ATP8A2: variants seen among roughly 807,000 people sequenced by gnomAD.
The protein encoded by ATP8A2 is ATPase phospholipid transporting 8A2.
In ATP8A2, 100 loss-of-function variants were observed where a neutral mutation model predicts 165.6. That is an observed-to-expected ratio of 0.60 (90% CI 0.51 to 0.71). The LOEUF (loss-of-function observed/expected upper bound fraction) is 0.71, where lower values mean the gene tolerates loss of function less well. Ranked by LOEUF, ATP8A2 falls within the 30% of genes least tolerant of loss-of-function variation. The probability of loss-of-function intolerance (pLI) is 0.00; values close to 1 mark genes in which losing one functional copy is unlikely to be tolerated. For missense variants in ATP8A2, 1,227 were observed against 1,479.5 expected (o/e 0.83, Z 2.80); for synonymous variants, 543 against 548.8 (o/e 0.99, Z 0.15).
At chr13:25,393,768 C>T (rs187645391) in intron 1 of ATP8A2, among the ~76,000 whole-genome samples, 1 of 152,290 alleles carries the variant, frequency 6.6e-6, no homozygotes, top group East Asian at 1.9e-4. Flanking sequence ...TCTTAGGAAT[C>T]TGAGGTTCAT....
chr13:25,969,346 T>A (rs975926590), intron 35 of ATP8A2, among the ~76,000 whole-genome samples: 2 of 152,176 alleles, frequency 1.3e-5, no homozygotes, highest in African/African-American at 2.4e-5. Context: ...AAAATCTATG[T>A]ACCATCAAGG....
At chr13:25,545,919 G>A (rs2038635254) in intron 10 of ATP8A2, among the ~76,000 whole-genome samples, 1 of 152,226 alleles carries the variant, frequency 6.6e-6, no homozygotes, top group African/African-American at 2.4e-5. Context: ...ACAGGCATGA[G>A]CCACAGTTCC....
chr13:25,740,096 T>G (rs565758038), intron 25 of ATP8A2, among the ~76,000 whole-genome samples: 48 of 152,118 alleles, frequency 3.2e-4, no homozygotes, highest in African/African-American at 1.1e-3. Flanking sequence ...GATCACAAGG[T>G]CAGGAGATCG....
intron 2 of ATP8A2, among the ~76,000 whole-genome samples, chr13:25,502,790 C>T (rs1277454899): frequency 6.6e-6 from 1 of 152,108 alleles, no homozygotes; most frequent in Non-Finnish European, 1.5e-5. Flanking sequence ...GATGTCATGG[C>T]CTGTGTGCCA....
intron 24 of ATP8A2, among the ~76,000 whole-genome samples, chr13:25,598,717 T>C (rs867144087): frequency 1.3e-5 from 2 of 152,228 alleles, no homozygotes; most frequent in African/African-American, 4.8e-5. Context: ...CATTTATGGG[T>C]CTGTTTCTAT....
intron 31 of ATP8A2, 93 bp from the exon 32 acceptor site, chr13:25,860,711 C>A: frequency 1.0e-6 from 1 of 971,718 alleles, no homozygotes; most frequent in Non-Finnish European, 1.6e-6. Context: ...CTTGGGGAAG[C>A]TAGTTCTGGA....
chr13:25,589,703 A>C lies in ATP8A2; in HGVS notation c.2211+4A>C, dbSNP rs201898016. 13 of 1,596,672 alleles carry C rather than the reference A, an allele frequency of 8.1e-6. No homozygotes were observed. The highest frequency in any genetic ancestry group is 1.1e-5 in the Non-Finnish European group (13 of 1,165,444). ...ATTGAAGGAGGACTCTTTGGATGTAAGTAGTTTTTCAAAGTTGTATTTGCT... is the reference window on the plus strand; with the variant it reads ...ATTGAAGGAGGACTCTTTGGATGTACGTAGTTTTTCAAAGTTGTATTTGCT... On this transcript the variant is annotated splice_donor_region_variant and intron_variant, in intron 24 of 36. Coordinates refer to ENST00000381655, the MANE Select transcript of ATP8A2 (RefSeq NM_016529.6).
chr13:25,384,342 A>G (rs2032962614), intron 1 of ATP8A2, among the ~76,000 whole-genome samples: 1 of 152,298 alleles, frequency 6.6e-6, no homozygotes, highest in South Asian at 2.1e-4. Flanking sequence ...AGATCTTGCA[A>G]TCTGACACTG....
chr13:25,968,704 A>G (rs1827632253), intron 35 of ATP8A2, 25 bp downstream of exon 35: 1 of 1,574,348 alleles, frequency 6.4e-7, no homozygotes. Flanking sequence ...CCCAGTCCGC[A>G]CAGAACACAG....
Position 25,532,280 on chromosome 13 carries a change from C to G in ATP8A2, c.429C>G (p.His143Gln). ...IKEIVEDFKR[H>Q]KADNAVNKKK... is the part of the protein sequence containing the mutation. ...TTTTCTTTCTGTAACAGAAGCGACA[C>G]AAGGCAGACAATGCAGTTAACAAAA... Residue 143 changes from histidine (H) to glutamine (Q), a missense_variant, in exon 5 of 37, where the codon CAC becomes CAG. His to Gln is a conservative substitution (Grantham distance 24). This residue lies in a region of ATP8A2 where 356 missense variants were observed against 394.9 expected (regional missense o/e 0.90). Coordinates refer to ENST00000381655, the MANE Select transcript of ATP8A2 (RefSeq NM_016529.6). The G allele has an allele frequency of 1.2e-6, 2 of 1,609,884 alleles. No individual in the cohort carries two copies. The highest frequency in any genetic ancestry group is 2.2e-5 in the South Asian group (2 of 89,614).
intron 35 of ATP8A2, among the ~76,000 whole-genome samples, chr13:25,988,396 C>A (rs983338175): frequency 6.6e-6 from 1 of 152,230 alleles, no homozygotes; most frequent in African/African-American, 2.4e-5. Flanking sequence ...CCTACAATAC[C>A]ATAATGATGA....
chr13:25,685,499 C>T (rs574692485), intron 24 of ATP8A2, among the ~76,000 whole-genome samples: 34 of 152,066 alleles, frequency 2.2e-4, no homozygotes, highest in Admixed American at 6.5e-4. Context: ...ATGTAGAAGA[C>T]GGACATGGTA....
At chr13:25,981,362 C>T (rs1956168003) in intron 35 of ATP8A2, among the ~76,000 whole-genome samples, 1 of 152,176 alleles carries the variant, frequency 6.6e-6, no homozygotes, top group Admixed American at 6.5e-5. Context: ...ACATGTTCCA[C>T]ACAGACAGGA....
At chr13:25,814,795 C>A (rs1301192887) in intron 27 of ATP8A2, among the ~76,000 whole-genome samples, 1 of 152,096 alleles carries the variant, frequency 6.6e-6, no homozygotes, top group Non-Finnish European at 1.5e-5. Context: ...GCAGGTGGAT[C>A]ACTTGAGCCA....
At position 26,020,193 on chromosome 13, in the gene ATP8A2, T is replaced by G; in HGVS notation, c.*208T>G. On this transcript the variant is annotated 3_prime_UTR_variant, in exon 37 of 37. Transcript: ENST00000381655. ...GGGAAGCTATCTTTGCCCTCCCAAC[T>G]CGTCTGCAGTGCTTAGCCTAACTTT... The G allele has an allele frequency of 1.7e-6, 1 of 583,692 alleles. No homozygotes were observed. The highest frequency in any genetic ancestry group is 2.1e-5 in the South Asian group (1 of 47,480). The allele number at this position is 583,692 out of a possible 1,614,324, so 36.2% of individuals were successfully genotyped here. A position where few individuals can be genotyped will look rare whatever the true frequency, so the allele number is the denominator to read the frequency against.
At position 25,540,730 on chromosome 13, in the gene ATP8A2, C is replaced by T. The variant is rs577838720; in HGVS notation, c.651+342C>T. ...ATGGAGCAGAAAAGCTCCAGGTACC[C>T]CAGTTTACATCATTGTTGTAATAAA... On this transcript the variant is annotated intron_variant, in intron 8 of 36. Transcript: ENST00000381655. 8.7e-4 allele frequency among the ~76,000 whole-genome samples: 132 copies of T among 152,132 alleles called. 1 individual carries two copies. The highest frequency in any genetic ancestry group is 2.5e-3 in the African/African-American group (103 of 41,488).
At chr13:25,938,172 T>TAA (rs759243830) in intron 33 of ATP8A2, among the ~76,000 whole-genome samples, 3 of 133,984 alleles carry the variant, frequency 2.2e-5, no homozygotes, top group Non-Finnish European at 3.3e-5. Flanking sequence ...GTGACCTGGT[T>TAA]AAAAAAAAAA....
chr13:25,971,487 C>T (rs1955912223), intron 35 of ATP8A2, among the ~76,000 whole-genome samples: 2 of 152,080 alleles, frequency 1.3e-5, no homozygotes, highest in Non-Finnish European at 2.9e-5. Context: ...CCTCCCTGTT[C>T]CTTCTTTCCT....
At chr13:25,711,489 T>A (rs903645402) in intron 25 of ATP8A2, among the ~76,000 whole-genome samples, 1 of 152,094 alleles carries the variant, frequency 6.6e-6, no homozygotes, top group African/African-American at 2.4e-5. Flanking sequence ...GCGAAAAGGT[T>A]GTGTGAGGCC....
Sources: allele counts gnomAD v4.1 joint callset (sites outside exome capture counted in the v4.1 genomes callset), GRCh38; gene constraint gnomAD v4.1.1; regional missense constraint gnomAD v4.1.1; transcripts MANE v1.5; gene names NCBI Gene and HGNC (gene_info 2026-07-23, HGNC 2026-07-21).